Variants in ATG2B observed in about 807,000 individuals in gnomAD.
ATG2B encodes the protein autophagy related 2B, also known as autophagy-related protein 2 homolog B.
A neutral mutation model predicts 241.3 loss-of-function variants in ATG2B; 121 were observed. The ratio of observed to expected loss-of-function variants is 0.50; its 90% CI spans 0.43 to 0.58. The LOEUF (loss-of-function observed/expected upper bound fraction) is 0.58. Ranked by LOEUF, ATG2B falls within the 20% of genes least tolerant of loss-of-function variation. ATG2B has a pLI of 0.00. For synonymous variants in ATG2B, 858 were observed against 876.6 expected (o/e 0.98, Z 0.37); for missense variants, 2,306 against 2,491.6 (o/e 0.93, Z 1.59).
chr14:96,352,861 ACAGTGTT>A (rs1424817035), intron 1 of ATG2B, among the ~76,000 whole-genome samples: 1 of 152,036 alleles, frequency 6.6e-6, no homozygotes, highest in Admixed American at 6.5e-5. Context: ...GCCGAAGTGT[ACAGTGTT>A]TATAAAGTCT....
At position 96,341,970 on chromosome 14, in the gene ATG2B, T is replaced by C. The variant is rs1888048242; in HGVS notation, c.745-269A>G. On this transcript the variant is annotated intron_variant, in intron 5 of 41. Transcript: ENST00000359933. Reference sequence around the variant, plus strand: ...TTCAAGTTACAGCAGTAAGAAAACCTAATGGGCACTGTATAATTAAGAAAA... The same window carrying C: ...TTCAAGTTACAGCAGTAAGAAAACCCAATGGGCACTGTATAATTAAGAAAA... Among the ~76,000 whole-genome samples, 4 of 152,078 alleles carry C rather than the reference T, an allele frequency of 2.6e-5. 1 individual carries two copies. The South Asian group carries it at 8.3e-4, about 31-fold the overall frequency.
intron 34 of ATG2B, among the ~76,000 whole-genome samples, chr14:96,299,521 T>C (rs1476354445): frequency 6.6e-6 from 1 of 152,180 alleles, no homozygotes; most frequent in African/African-American, 2.4e-5. Flanking sequence ...CACCAAATGG[T>C]CTTGAATGAA....
Position 96,280,533 on chromosome 14 carries a change from G to T in ATG2B, c.*5222C>A, listed in dbSNP as rs749385812. On this transcript the variant is annotated 3_prime_UTR_variant, in exon 42 of 42. Transcript: ENST00000359933. Reference sequence around the variant, plus strand: ...GTCATTTTTTCCCTAATTGTTCAAAGTGGATGTTATATAGTCACATCTGTC... The same window carrying T: ...GTCATTTTTTCCCTAATTGTTCAAATTGGATGTTATATAGTCACATCTGTC... The T allele has an allele frequency of 6.6e-6, 1 of 152,148 alleles. No individual in the cohort carries two copies. The highest frequency in any genetic ancestry group is 1.5e-5 in the Non-Finnish European group (1 of 68,034). 9.4% of individuals were successfully genotyped at this position (152,148 alleles called of 1,614,324 possible).
chr14:96,308,252 ACAC>A (rs1887032578), intron 29 of ATG2B, among the ~76,000 whole-genome samples: 1 of 12,654 alleles, frequency 7.9e-5, no homozygotes, highest in African/African-American at 2.3e-4. Flanking sequence ...ATATATATAT[ACAC>A]ACATATATAT....
At chr14:96,291,084 T>C in intron 38 of ATG2B, 149 bp from the exon 39 acceptor site, 3 of 672,158 alleles carry the variant, frequency 4.5e-6, no homozygotes, top group Non-Finnish European at 7.2e-6. Flanking sequence ...ATTTTTCAAA[T>C]CAAAAAGAAA....
intron 36 of ATG2B, among the ~76,000 whole-genome samples, chr14:96,292,650 G>T (rs1886518361): frequency 6.6e-6 from 1 of 152,170 alleles, no homozygotes. Flanking sequence ...ACTCTCTGCT[G>T]CTCAGTCTTC....
intron 8 of ATG2B, 50 bp from the exon 9 acceptor site, chr14:96,332,705 G>A (rs1490994095): frequency 7.0e-7 from 1 of 1,429,686 alleles, no homozygotes; most frequent in East Asian, 2.3e-5. Flanking sequence ...ACCAATTCAA[G>A]TCTTTTAAGT....
At chr14:96,347,465 C>T (rs1888200389) in intron 1 of ATG2B, 124 bp from the exon 2 acceptor site, 1 of 663,608 alleles carries the variant, frequency 1.5e-6, no homozygotes, top group African/African-American at 1.8e-5. Context: ...GCAGAGACTT[C>T]CACAAGTACA....
Position 96,329,660 on chromosome 14 carries a change from G to C in ATG2B, c.1731-26C>G, listed in dbSNP as rs17094019. 0.28 allele frequency: 409,761 copies of C among 1,471,402 alleles called. 58,919 individuals are homozygous for C. Among genetic ancestry groups the C allele is most frequent in the African/African-American group, 0.42 (29,607 of 71,048 alleles). The allele number at this position is 1,471,402 out of a possible 1,614,324, so 91.1% of individuals were successfully genotyped here. ...CTATTATAAAAAATGCACCATTTAAGATTATTAGTGTTAAAATGTAACAAT... is the reference window on the plus strand; with the variant it reads ...CTATTATAAAAAATGCACCATTTAACATTATTAGTGTTAAAATGTAACAAT... On this transcript the variant is annotated intron_variant, in intron 11 of 41. Coordinates refer to ENST00000359933, the MANE Select transcript of ATG2B (RefSeq NM_018036.7).
chr14:96,348,681 AAAT>A (rs1052468421), intron 1 of ATG2B, among the ~76,000 whole-genome samples: 46 of 92,076 alleles, frequency 5.0e-4, no homozygotes, highest in Non-Finnish European at 7.1e-4. Context: ...AAAAAAAAAA[AAAT>A]GAGTAAGATC....
Position 96,290,925 on chromosome 14 carries a change from C to T in ATG2B, c.5590G>A (p.Val1864Ile), listed in dbSNP as rs778385045. 89 of 1,610,344 alleles carry T rather than the reference C, an allele frequency of 5.5e-5. 1 individual carries two copies. Among genetic ancestry groups the T allele is most frequent in the South Asian group, 4.1e-4 (37 of 90,076 alleles). ...ATTGCATATGAGAATAATTTGTCAA[C>T]GCCTAGTAAACTAGAGCAAATGATT... Reference protein sequence around the residue: ...RLSYRHGLLGVDKLFSYAITE... With the variant: ...RLSYRHGLLGIDKLFSYAITE... Residue 1864 changes from valine to isoleucine, a missense_variant, in exon 39 of 42, where the codon GTT becomes ATT. Physicochemically the swap from Val to Ile is conservative, Grantham distance 29. Coordinates refer to ENST00000359933, the MANE Select transcript of ATG2B (RefSeq NM_018036.7). The surrounding 1 kb of genome is among the most constrained non-coding windows in gnomAD (Gnocchi z 4.4).
Position 96,317,210 on chromosome 14 carries a change from G to T in ATG2B, c.3145C>A (p.Gln1049Lys). 6.2e-7 allele frequency: 1 copy of T among 1,613,482 alleles called. No individual in the cohort carries two copies. Among genetic ancestry groups the T allele is most frequent in the African/African-American group, 1.3e-5 (1 of 75,046 alleles). ...KKLDSQNKNS[Q>K]SFLSVLLNIN... Reference sequence around the variant, plus strand: ...TTCAGAAGAACTGAGAGAAAACTCTGAGAGTTCTTGTTCTGAGAGTCTAAT... The same window carrying T: ...TTCAGAAGAACTGAGAGAAAACTCTTAGAGTTCTTGTTCTGAGAGTCTAAT... Residue 1049 changes from glutamine to lysine, a missense_variant, in exon 20 of 42, where the codon CAG (glutamine) becomes AAG (lysine). By Grantham distance (53) the Gln-to-Lys change is moderately conservative. Transcript: ENST00000359933.
rs558356098 is a variant in ATG2B, at chr14:96,285,990, G to A, written c.6007-5C>T. 359 of 1,605,288 alleles carry A rather than the reference G, an allele frequency of 2.2e-4. 3 individuals are homozygous for A. The South Asian group carries it at 3.6e-3, about 16-fold the overall frequency. ...CTGAGCCGTGTCTGTGATTCCCTGC[G>A]TAGAGGAGGGAGGTAGGAGAGAGGA... On this transcript the variant is annotated splice_polypyrimidine_tract_variant and splice_region_variant and intron_variant, in intron 41 of 41. Transcript: ENST00000359933. The surrounding 1 kb of genome is among the most constrained non-coding windows in gnomAD (Gnocchi z 4.2).
intron 1 of ATG2B, among the ~76,000 whole-genome samples, chr14:96,358,860 G>A (rs1888549792): frequency 6.6e-6 from 1 of 151,968 alleles, no homozygotes; most frequent in Non-Finnish European, 1.5e-5. Context: ...CCACCATAGA[G>A]TCCTTTAGAG....
chr14:96,304,407 A>T (rs1210672725), intron 32 of ATG2B, 88 bp downstream of exon 32: 18 of 927,414 alleles, frequency 1.9e-5, no homozygotes, highest in Non-Finnish European at 1.2e-5. Flanking sequence ...TTGGGACTTA[A>T]GGCTCAAGAC....
intron 1 of ATG2B, among the ~76,000 whole-genome samples, chr14:96,360,061 T>C (rs1471598729): frequency 3.9e-5 from 6 of 152,156 alleles, no homozygotes; most frequent in Non-Finnish European, 7.4e-5. Context: ...ATACATTCTA[T>C]AGAATAAAAC....
In ATG2B at chr14:96,291,001, G is replaced by T; in HGVS notation, c.5580-66C>A. 2.9e-6 allele frequency: 4 copies of T among 1,392,850 alleles called. No homozygotes were observed. The South Asian group carries it at 6.6e-5, about 23-fold the overall frequency. 86.3% of individuals were successfully genotyped at this position (1,392,850 alleles called of 1,614,324 possible). On this transcript the variant is annotated intron_variant, in intron 38 of 41. Transcript: ENST00000359933. ...ATTTATAGACACAGATTAGTTTGAG[G>T]GTTTTTTTTTACTTAAAACAAATTC...
intron 26 of ATG2B, 82 bp from the exon 27 acceptor site, chr14:96,311,700 T>C: frequency 1.2e-6 from 1 of 847,436 alleles, no homozygotes; most frequent in Non-Finnish European, 2.0e-6. Context: ...ACAACTAGCA[T>C]TCCTTTAAAA....
At chr14:96,306,203 TTTGA>T (rs1566718677) in intron 30 of ATG2B, among the ~76,000 whole-genome samples, 1 of 152,188 alleles carries the variant, frequency 6.6e-6, no homozygotes, top group African/African-American at 2.4e-5. Flanking sequence ...TTATCCTGAG[TTTGA>T]TTGTTTGGAT....
Sources: gnomAD v4.1 joint callset for allele counts (sites outside exome capture counted in the v4.1 genomes callset) on GRCh38, gnomAD v4.1.1 for gene constraint, Gnocchi (gnomAD v3.1) non-coding constraint, MANE v1.5 for transcripts, NCBI Gene and HGNC (gene_info 2026-07-23, HGNC 2026-07-21) for gene names.